ATG7: variants seen among roughly 807,000 people sequenced by gnomAD.
ATG7 encodes the protein autophagy related 7.
Under a neutral mutation model 82.4 loss-of-function variants are expected in ATG7, and 70 were observed. That is an observed-to-expected ratio of 0.85 (90% CI 0.70 to 1.04). ATG7 has a LOEUF of 1.04. Among genes scored for constraint, ATG7 ranks in the 50% least tolerant of loss-of-function variants. ATG7 has a pLI of 0.00. For synonymous variants in ATG7, 287 were observed against 313.0 expected (o/e 0.92, Z 0.88); for missense variants, 792 against 864.3 (o/e 0.92, Z 1.05).
intron 20 of ATG7, among the ~76,000 whole-genome samples, chr3:11,452,517 A>G (rs1180603323): frequency 1.3e-5 from 2 of 152,196 alleles, no homozygotes; most frequent in Non-Finnish European, 2.9e-5. Context: ...TTATATCTCA[A>G]TAAAGCTGTT....
At chr3:11,478,221 A>G (rs2088486068) in intron 20 of ATG7, among the ~76,000 whole-genome samples, 1 of 152,204 alleles carries the variant, frequency 6.6e-6, no homozygotes, top group Non-Finnish European at 1.5e-5. Flanking sequence ...GAGTATGAAA[A>G]TCTAAAGTAT....
intron 18 of ATG7, among the ~76,000 whole-genome samples, chr3:11,367,948 C>T (rs1316707070): frequency 6.6e-6 from 1 of 151,800 alleles, no homozygotes; most frequent in Non-Finnish European, 1.5e-5. Context: ...ACAAAACGAA[C>T]AGTCTTATAC....
chr3:11,574,437 C>T, the ATG7 span, among the ~76,000 whole-genome samples: 3 of 152,094 alleles, frequency 2.0e-5, no homozygotes, highest in African/African-American at 7.2e-5. Context: ...GCTGGGCAGG[C>T]CAAGTCAGCC....
At chr3:11,476,638 A>G (rs1280853933) in intron 20 of ATG7, among the ~76,000 whole-genome samples, 1 of 152,178 alleles carries the variant, frequency 6.6e-6, no homozygotes, top group East Asian at 1.9e-4. Context: ...ATTCTCAATG[A>G]TGTTATACAA....
intron 9 of ATG7, among the ~76,000 whole-genome samples, chr3:11,317,737 T>G (rs1949653525): frequency 6.6e-6 from 1 of 151,936 alleles, no homozygotes; most frequent in Non-Finnish European, 1.5e-5. Context: ...GGACTACAGG[T>G]GCGCACCATC....
the ATG7 span, among the ~76,000 whole-genome samples, chr3:11,574,911 C>T: frequency 3.7e-4 from 56 of 151,582 alleles, 1 homozygote; most frequent in East Asian, 4.5e-3. Flanking sequence ...CCATCTTATG[C>T]GCCTACATAC....
intron 14 of ATG7, among the ~76,000 whole-genome samples, chr3:11,353,092 T>A (rs1010920865): frequency 1.3e-5 from 2 of 152,192 alleles, no homozygotes; most frequent in Non-Finnish European, 2.9e-5. Flanking sequence ...GTGCTTGAAG[T>A]CGAGTGACAT....
Position 11,556,189 on chromosome 3 carries a change from A to G in ATG7, c.*1346A>G, listed in dbSNP as rs1431364837. The G allele has an allele frequency of 6.6e-6, 1 of 152,620 alleles. No homozygotes were observed. Among genetic ancestry groups the G allele is most frequent in the African/African-American group, 2.4e-5 (1 of 41,400 alleles). 9.5% of individuals were successfully genotyped at this position (152,620 alleles called of 1,614,324 possible). Reference sequence around the variant, plus strand: ...CAGGCCACAGAGAATGGTATATTACAGATTTACACACATGAAGAGAAGGTC... The same window carrying G: ...CAGGCCACAGAGAATGGTATATTACGGATTTACACACATGAAGAGAAGGTC... On this transcript the variant is annotated 3_prime_UTR_variant, in exon 21 of 21. Transcript: ENST00000693202.
At chr3:11,465,088 A>AGTGTGTGTGTGTGTGT (rs55999171) in intron 20 of ATG7, among the ~76,000 whole-genome samples, 1,535 of 147,390 alleles carry the variant, frequency 0.01, 28 homozygotes, top group African/African-American at 0.036. Flanking sequence ...AAAAACCTAA[A>AGTGTGTGTGTGTGTGT]GTGTGTGTGT....
intron 20 of ATG7, among the ~76,000 whole-genome samples, chr3:11,490,492 G>A (rs1295913790): frequency 6.6e-6 from 1 of 152,144 alleles, no homozygotes; most frequent in Non-Finnish European, 1.5e-5. Context: ...ATATTGTTAT[G>A]TGTGAATTTG....
chr3:11,422,316 A>C (rs534597044), intron 19 of ATG7, among the ~76,000 whole-genome samples: 10 of 152,344 alleles, frequency 6.6e-5, no homozygotes, highest in African/African-American at 2.4e-4. Flanking sequence ...TCTGAGCTAG[A>C]TCTCATAATA....
At chr3:11,422,679 C>CTT (rs142313134) in intron 19 of ATG7, among the ~76,000 whole-genome samples, 11 of 135,102 alleles carry the variant, frequency 8.1e-5, no homozygotes, top group African/African-American at 2.8e-4. Flanking sequence ...AGAGGTTTAG[C>CTT]TTTTTTTTAG....
intron 5 of ATG7, among the ~76,000 whole-genome samples, chr3:11,303,606 T>C (rs897537315): frequency 2.0e-4 from 31 of 151,240 alleles, no homozygotes; most frequent in Non-Finnish European, 3.1e-4. Flanking sequence ...AGGCGGAGCT[T>C]GCAGTGAGCC....
chr3:11,491,489 G>A (rs140714814), intron 20 of ATG7, among the ~76,000 whole-genome samples: 5,805 of 152,218 alleles, frequency 0.038, 121 homozygotes, highest in African/African-American at 0.051. Flanking sequence ...GTCATTCTCC[G>A]TCCAGCTTTG....
intron 19 of ATG7, among the ~76,000 whole-genome samples, chr3:11,388,621 G>C (rs1392905140): frequency 3.3e-5 from 5 of 151,838 alleles, no homozygotes; most frequent in Non-Finnish European, 7.4e-5. Context: ...GTAGAGACAG[G>C]GTTTCACCGT....
chr3:11,360,850 C>T lies in ATG7; in HGVS notation c.1683+66C>T. The T allele has an allele frequency of 2.7e-6, 4 of 1,508,150 alleles. No homozygotes were observed. The South Asian group carries it at 4.7e-5, about 18-fold the overall frequency. 93.4% of individuals were successfully genotyped at this position (1,508,150 alleles called of 1,614,324 possible). Reference sequence around the variant, plus strand: ...CAACTTGTACACTGAGGCAGACCGACTTGGCCCTTTCATTTATGACTATTT... The same window carrying T: ...CAACTTGTACACTGAGGCAGACCGATTTGGCCCTTTCATTTATGACTATTT... On this transcript the variant is annotated intron_variant, in intron 16 of 20. Coordinates refer to ENST00000693202, the MANE Select transcript of ATG7 (RefSeq NM_001349232.2).
At chr3:11,342,035 C>T in intron 12 of ATG7, 100 bp from the exon 13 acceptor site, 1 of 1,347,174 alleles carries the variant, frequency 7.4e-7, no homozygotes, top group Non-Finnish European at 9.9e-7. Flanking sequence ...ATCCCAATTT[C>T]CTTATTATTT....
At chr3:11,511,095 G>C (rs1053845202) in intron 20 of ATG7, among the ~76,000 whole-genome samples, 12 of 152,192 alleles carry the variant, frequency 7.9e-5, no homozygotes, top group African/African-American at 2.9e-4. Context: ...CATAAAAGCA[G>C]CGTGGACCCA....
intron 14 of ATG7, among the ~76,000 whole-genome samples, chr3:11,349,923 C>T (rs1477747135): frequency 1.3e-5 from 2 of 152,162 alleles, no homozygotes; most frequent in Non-Finnish European, 2.9e-5. Flanking sequence ...CATTTAAAAT[C>T]TTGACAGTTT....
Sources: gnomAD v4.1 joint callset for allele counts (sites outside exome capture counted in the v4.1 genomes callset) on GRCh38, gnomAD v4.1.1 for gene constraint, MANE v1.5 for transcripts, NCBI Gene and HGNC (gene_info 2026-07-23, HGNC 2026-07-21) for gene names.